The following NUP188 variants were observed in gnomAD, a reference collection of about 807,000 sequenced individuals.
NUP188 encodes nucleoporin 188, also known as nucleoporin NUP188.
A neutral mutation model predicts 223.0 loss-of-function variants in NUP188; 97 were observed. The observed-to-expected ratio is 0.43, with a 90% CI of 0.37 to 0.51. The LOEUF is 0.51. NUP188 is among the 20% of genes least tolerant of loss of function. The pLI is 0.00. For synonymous variants in NUP188, 869 were observed against 828.0 expected (o/e 1.05, Z -0.85); for missense variants, 1,947 against 2,175.6 (o/e 0.89, Z 2.09).
chr9:128,981,414 T>C, intron 15 of NUP188, 24 bp downstream of exon 15: 8 of 1,582,468 alleles, frequency 5.1e-6, no homozygotes, highest in South Asian at 2.4e-5. Flanking sequence ...ATCCCCCTTT[T>C]ATGACAGCTT....
intron 29 of NUP188, 175 bp downstream of exon 29, chr9:128,995,098 T>C (rs17452470): frequency 4.7e-6 from 3 of 640,806 alleles, no homozygotes; most frequent in East Asian, 5.4e-5. Context: ...CATTTATGAT[T>C]GTCAGAAAGA....
chr9:128,989,953 TC>T (rs1842391207), intron 24 of NUP188, among the ~76,000 whole-genome samples, 166 bp from the exon 25 acceptor site: 1 of 152,222 alleles, frequency 6.6e-6, no homozygotes, highest in Non-Finnish European at 1.5e-5. Context: ...ATTCTTTTGC[TC>T]CTCAATCAAG....
chr9:128,950,806 A>G (rs1330081051), intron 2 of NUP188, among the ~76,000 whole-genome samples: 5 of 152,046 alleles, frequency 3.3e-5, no homozygotes. Flanking sequence ...AGCCTGGGAG[A>G]CACATCGAGA....
Position 128,958,063 on chromosome 9 carries a change from T to C in NUP188, c.372+9T>C, listed in dbSNP as rs755118235. 2.1e-5 allele frequency: 34 copies of C among 1,606,614 alleles called. No individual in the cohort carries two copies. Among genetic ancestry groups the C allele is most frequent in the Non-Finnish European group, 2.9e-5 (34 of 1,173,694 alleles). On this transcript the variant is annotated intron_variant, in intron 6 of 43. Coordinates refer to ENST00000372577, the MANE Select transcript of NUP188 (RefSeq NM_015354.3). ...AGGCCTTAATCCTGAAGGTCAGTAGTAGTCACCATTTCTATTCTTTGATGT... is the reference window on the plus strand; with the variant it reads ...AGGCCTTAATCCTGAAGGTCAGTAGCAGTCACCATTTCTATTCTTTGATGT...
At chr9:129,004,493 C>T (rs1842738325) in intron 38 of NUP188, 1 of 152,012 alleles carries the variant, frequency 6.6e-6, no homozygotes, top group Non-Finnish European at 1.5e-5. Context: ...AGCCATAATC[C>T]TCATCTTATT....
In NUP188 at chr9:128,956,398, A is replaced by G. The variant is rs1588269348; in HGVS notation, c.210A>G (p.Pro70=). Reference sequence around the variant, plus strand: ...AAGCTAATAAAGATGTAGCTTCACCATTGAAGGAACTGGGTTTAAGAATCA... The same window carrying G: ...AAGCTAATAAAGATGTAGCTTCACCGTTGAAGGAACTGGGTTTAAGAATCA... The part of the protein sequence containing the change: ...KVKANKDVAS[P]LKELGLRISK... Residue 70 remains proline, a synonymous_variant, in exon 4 of 44, where the codon CCA becomes CCG. Coordinates refer to ENST00000372577, the MANE Select transcript of NUP188 (RefSeq NM_015354.3). 6.3e-7 allele frequency: 1 copy of G among 1,581,944 alleles called. No individual in the cohort carries two copies. The highest frequency in any genetic ancestry group is 1.9e-5 in the Admixed American group (1 of 53,640).
rs1842129233 is a variant in NUP188 at position 128,973,396 on chromosome 9, T to G, written c.1203+147T>G. ...ATTTTTTTATTTACTTTTTTCTTTT[T>G]TTTTGAGATGGAGTCCTGCTCTGTC... On this transcript the variant is annotated intron_variant, in intron 12 of 43. Transcript: ENST00000372577. The G allele has an allele frequency of 5.0e-6, 3 of 600,946 alleles. No homozygotes were observed. In the East Asian group the frequency reaches 8.8e-5, roughly 18 times the overall value. The allele number at this position is 600,946 out of a possible 1,614,324, so 37.2% of individuals were successfully genotyped here.
rs1257507587 is a variant in NUP188 at position 129,006,527 on chromosome 9, G to A, written c.5099G>A (p.Arg1700His). Residue 1700 changes from arginine (R) to histidine (H), a missense_variant, in exon 44 of 44, where the codon CGC (arginine) becomes CAC (histidine). By Grantham distance (29) the Arg-to-His change is conservative. Transcript: ENST00000372577. ...ELSTLLSSLSRYFRRGAPSSP... is the reference protein window; with the variant it reads ...ELSTLLSSLSHYFRRGAPSSP... The stretch of plus-strand genomic sequence containing the variant: ...AGCACGCTGCTGTCCAGCCTCTCGC[G>A]CTACTTCCGCCGGGGAGCCCCCAGC... The A allele has an allele frequency of 6.2e-7, 1 of 1,613,688 alleles. No homozygotes were observed. The highest frequency in any genetic ancestry group is 8.5e-7 in the Non-Finnish European group (1 of 1,179,880).
intron 2 of NUP188, among the ~76,000 whole-genome samples, chr9:128,950,218 C>T (rs923761664): frequency 6.6e-6 from 1 of 150,450 alleles, no homozygotes; most frequent in Non-Finnish European, 1.5e-5. Context: ...CCACCACACC[C>T]GGCTACGTTT....
Position 128,956,017 on chromosome 9 carries a change from G to A in NUP188, c.162-333G>A, listed in dbSNP as rs117606232. ...GTGCTGGCAATTCCATTTGTAAAAG[G>A]AGAATAGTAATATTTGCCTTTTAGG... On this transcript the variant is annotated intron_variant, in intron 3 of 43. Transcript: ENST00000372577. 3.0e-4 allele frequency among the ~76,000 whole-genome samples: 45 copies of A among 151,914 alleles called. No homozygotes were observed. In the East Asian group the frequency reaches 8.7e-3, roughly 29 times the overall value.
intron 10 of NUP188, 118 bp downstream of exon 10, chr9:128,969,632 A>AACTACAT: frequency 1.8e-6 from 1 of 566,488 alleles, no homozygotes; most frequent in East Asian, 3.3e-5. Context: ...AGTGATGCAG[A>AACTACAT]GGTTCTACAA....
rs376346210 is a variant in NUP188 at position 128,987,088 on chromosome 9, AGTGTGTGTGTGT to A, written c.2264+246_2264+257del. 2.7e-3 allele frequency among the ~76,000 whole-genome samples: 305 copies of A among 113,334 alleles called. 5 individuals carry two copies. The East Asian group carries it at 0.046, about 17-fold the overall frequency. 74.4% of individuals were successfully genotyped at this position (113,334 alleles called of 152,430 possible). On this transcript the variant is annotated intron_variant, in intron 22 of 43. Transcript: ENST00000372577. ...ATGAGAGAGAGAGAGAGAGAGAGAG[AGTGTGTGTGTGT>A]GTGTGTGTGTGTGTGTGTGTGTGTG...
At position 128,957,759 on chromosome 9, in the gene NUP188, C is replaced by T. The variant is rs548873898; in HGVS notation, c.328-251C>T. On this transcript the variant is annotated intron_variant, in intron 5 of 43. Transcript: ENST00000372577. Reference sequence around the variant, plus strand: ...GATTACAGGCGTGAGCCACCGCACCCGGCCAGGATTTGGTAGAATTTCTAG... The same window carrying T: ...GATTACAGGCGTGAGCCACCGCACCTGGCCAGGATTTGGTAGAATTTCTAG... Among the ~76,000 whole-genome samples, 6 of 152,238 alleles carry T rather than the reference C, an allele frequency of 3.9e-5. No individual in the cohort carries two copies. The East Asian group carries it at 9.7e-4, about 25-fold the overall frequency.
intron 8 of NUP188, among the ~76,000 whole-genome samples, chr9:128,961,491 A>G (rs1280403281): frequency 6.6e-6 from 1 of 152,032 alleles, no homozygotes; most frequent in African/African-American, 2.4e-5. Context: ...TGGCCTGTGC[A>G]ACAGAGCAAT....
chr9:128,993,353 A>G lies in NUP188; in HGVS notation c.2797A>G (p.Ile933Val). The change falls in exon 26 of 44, where the codon ATC (isoleucine) becomes GTC (valine). Residue 933 changes from isoleucine (I) to valine (V), a missense_variant. Ile to Val is a conservative substitution (Grantham distance 29). Around this residue, in one of 3 missense-constraint regions of NUP188, gnomAD observed 225 missense variants for 319.1 expected, o/e 0.71. Transcript: ENST00000372577. ...TVAVETQPGL[I>V]ELFLNLEVKD... ...TGCAGTAGAGACCCAGCCAGGCCTC[A>G]TCGAACTGTTTCTGAACCTGGAAGT... is the stretch of plus-strand genomic sequence containing the variant. The G allele has an allele frequency of 6.2e-7, 1 of 1,614,214 alleles. No homozygotes were observed. Among genetic ancestry groups the G allele is most frequent in the Non-Finnish European group, 8.5e-7 (1 of 1,180,028 alleles).
Position 129,005,217 on chromosome 9 carries a change from T to C in NUP188, c.4505T>C (p.Leu1502Ser). 6.2e-7 allele frequency: 1 copy of C among 1,614,032 alleles called. No individual in the cohort carries two copies. Among genetic ancestry groups the C allele is most frequent in the South Asian group, 1.1e-5 (1 of 91,088 alleles). The change falls in exon 39 of 44, where the codon TTA becomes TCA. Residue 1502 changes from leucine to serine, a missense_variant. Physicochemically the swap from Leu to Ser is moderately radical, Grantham distance 145 (BLOSUM62 -2). Around this residue, in one of 3 missense-constraint regions of NUP188, gnomAD observed 905 missense variants for 990.6 expected, o/e 0.91. Transcript: ENST00000372577. ...LHSRKMLQHY[L>S]QNKNGDGLPS... ...AGTCGAAAGATGCTGCAGCATTACT[T>C]ACAGGTAAGCGTCCTATGCCATGAG...
chr9:129,006,315 G>A lies in NUP188; in HGVS notation c.5020G>A (p.Ala1674Thr), dbSNP rs1842801383. ...SQAMRYLRDP[A>T]VHPRDKQRMK... The stretch of plus-strand genomic sequence containing the variant: ...GGCGATGCGGTACCTTAGGGACCCG[G>A]CTGTGCACCCCCGGGACAAACAGCG... Residue 1674 changes from alanine to threonine, a missense_variant, in exon 43 of 44, where the codon GCT becomes ACT. By Grantham distance (58) the Ala-to-Thr change is moderately conservative. Around this residue, in one of 3 missense-constraint regions of NUP188, gnomAD observed 905 missense variants for 990.6 expected, o/e 0.91. Coordinates refer to ENST00000372577, the MANE Select transcript of NUP188 (RefSeq NM_015354.3). The A allele has an allele frequency of 5.0e-6, 8 of 1,614,092 alleles. No homozygotes were observed. Among genetic ancestry groups the A allele is most frequent in the Admixed American group, 1.7e-5 (1 of 60,008 alleles).
At chr9:128,973,092 G>A in intron 11 of NUP188, 68 bp from the exon 12 acceptor site, 1 of 941,030 alleles carries the variant, frequency 1.1e-6, no homozygotes, top group South Asian at 1.5e-5. Flanking sequence ...GAATGCGATA[G>A]GATTATGCCG....
At chr9:128,959,473 T>A (rs980317640) in intron 8 of NUP188, among the ~76,000 whole-genome samples, 2 of 152,032 alleles carry the variant, frequency 1.3e-5, no homozygotes, top group Non-Finnish European at 2.9e-5. Context: ...ATACCCTTGC[T>A]TATAGAGCTG....
Sources: allele counts gnomAD v4.1 joint callset (sites outside exome capture counted in the v4.1 genomes callset), GRCh38; gene constraint gnomAD v4.1.1; regional missense constraint gnomAD v4.1.1; transcripts MANE v1.5; gene names NCBI Gene and HGNC (gene_info 2026-07-23, HGNC 2026-07-21).